TMED6: variants seen among roughly 807,000 people sequenced by gnomAD.
TMED6 encodes transmembrane emp24 domain-containing protein 6.
A neutral mutation model predicts 26.5 loss-of-function variants in TMED6; 17 were observed. That is an observed-to-expected ratio of 0.64 (90% confidence interval 0.44 to 0.96). The LOEUF is 0.96. TMED6 is among the 40% of genes least tolerant of loss of function. The probability of loss-of-function intolerance (pLI) is 0.00; values close to 1 mark genes in which losing one functional copy is unlikely to be tolerated. For missense variants in TMED6, 309 were observed against 296.5 expected, an observed-to-expected ratio of 1.04 and a Z score of -0.31; for synonymous variants, 107 against 106.2, an observed-to-expected ratio of 1.01 and a Z score of -0.04.
chr16:69,345,338 A>G (rs774531481), intron 3 of TMED6, among the ~76,000 whole-genome samples: 1 of 152,100 alleles, frequency 6.6e-6, no homozygotes, highest in Non-Finnish European at 1.5e-5. Flanking sequence ...TGCAACTCAC[A>G]TATCTTAGGA....
chr16:69,343,701 G>A (rs558154799), intron 3 of TMED6, 61 bp from the exon 4 acceptor site: 10 of 1,389,792 alleles, frequency 7.2e-6, no homozygotes, highest in South Asian at 3.5e-5. Context: ...TCACCTGAGC[G>A]CTCACTAGCA....
At chr16:69,350,026 C>G (rs1421317796) in intron 1 of TMED6, among the ~76,000 whole-genome samples, 1 of 152,058 alleles carries the variant, frequency 6.6e-6, no homozygotes, top group African/African-American at 2.4e-5. Flanking sequence ...AATCCCAGCA[C>G]TTTGGGAGGC....
chr16:69,350,596 G>A (rs561765539), intron 1 of TMED6, among the ~76,000 whole-genome samples: 11 of 152,226 alleles, frequency 7.2e-5, no homozygotes, highest in Middle Eastern at 3.4e-3. Flanking sequence ...CACCGCACCC[G>A]GCCTGGCTGT....
At chr16:69,344,695 C>G (rs958403030) in intron 3 of TMED6, among the ~76,000 whole-genome samples, 1 of 150,314 alleles carries the variant, frequency 6.7e-6, no homozygotes, top group African/African-American at 2.5e-5. Flanking sequence ...ACTGCTTGAG[C>G]CCGGGAGGCA....
In TMED6 at chr16:69,345,836, C is replaced by T. The variant is rs118184431; in HGVS notation, c.489+1952G>A. On this transcript the variant is annotated intron_variant, in intron 3 of 3. Transcript: ENST00000288025. ...GACCACAAGTATGTGCCACCACACC[C>T]GGGTCATTTAAAAAGTTGTTTTGTT... Among the ~76,000 whole-genome samples the T allele has an allele frequency of 2.0e-4, 31 of 152,094 alleles. No homozygotes were observed. The East Asian group carries it at 5.6e-3, about 27-fold the overall frequency.
intron 3 of TMED6, among the ~76,000 whole-genome samples, chr16:69,344,025 GT>G (rs1339607816): frequency 1.3e-5 from 2 of 151,550 alleles, no homozygotes; most frequent in Non-Finnish European, 2.9e-5. Context: ...TAGAGACAGG[GT>G]TTTGCCATGT....
At position 69,343,260 on chromosome 16, in the gene TMED6, TTA is replaced by T; in HGVS notation, c.*145_*146del. On this transcript the variant is annotated 3_prime_UTR_variant, in exon 4 of 4. Coordinates refer to ENST00000288025, the MANE Select transcript of TMED6 (RefSeq NM_144676.4). ...ATACTTCTTCAGAACTTTTTCACTGTTATGATTTTATTGCCATTTTGCTTTTT... is the reference window on the plus strand; with the variant it reads ...ATACTTCTTCAGAACTTTTTCACTGTTGATTTTATTGCCATTTTGCTTTTT... The T allele has an allele frequency of 1.5e-6, 1 of 679,196 alleles. No homozygotes were observed. Among genetic ancestry groups the T allele is most frequent in the South Asian group, 2.0e-5 (1 of 50,564 alleles). The allele number at this position is 679,196 out of a possible 1,614,324, so 42.1% of individuals were successfully genotyped here.
Position 69,347,950 on chromosome 16 carries a change from TAGATCATTACC to T in TMED6, c.341-25_341-15del. ...GCTGATAAAAACCTGTAGGAATTCT[TAGATCATTACC>T]AAGTCTTTGGTCTCCTCCCCTTTGT... On this transcript the variant is annotated splice_polypyrimidine_tract_variant and intron_variant, in intron 2 of 3. Coordinates refer to ENST00000288025, the MANE Select transcript of TMED6 (RefSeq NM_144676.4). The T allele has an allele frequency of 6.2e-7, 1 of 1,613,712 alleles. No homozygotes were observed. The highest frequency in any genetic ancestry group is 8.5e-7 in the Non-Finnish European group (1 of 1,179,772).
intron 1 of TMED6, among the ~76,000 whole-genome samples, chr16:69,351,033 C>G (rs866846645): frequency 6.6e-6 from 1 of 150,814 alleles, no homozygotes; most frequent in Non-Finnish European, 1.5e-5. Flanking sequence ...AAACACTTAC[C>G]GTCCTAAAAA....
intron 3 of TMED6, among the ~76,000 whole-genome samples, chr16:69,344,540 A>G (rs1277007301): frequency 2.6e-5 from 4 of 152,122 alleles, no homozygotes; most frequent in African/African-American, 9.7e-5. Flanking sequence ...TGGGAGGCCG[A>G]GACGGGCGGA....
At chr16:69,344,746 C>G (rs2012655219) in intron 3 of TMED6, among the ~76,000 whole-genome samples, 1 of 148,478 alleles carries the variant, frequency 6.7e-6, no homozygotes, top group Non-Finnish European at 1.5e-5. Context: ...GTACTCCAGC[C>G]TGGCCGACAG....
intron 2 of TMED6, 89 bp downstream of exon 2, chr16:69,349,436 G>A (rs2012740618): frequency 1.4e-6 from 2 of 1,471,680 alleles, no homozygotes; most frequent in Non-Finnish European, 1.8e-6. Context: ...TTTTCCTACT[G>A]TTAAAACATC....
chr16:69,347,704 T>C (rs2012707085), intron 3 of TMED6, 84 bp downstream of exon 3: 1 of 1,567,334 alleles, frequency 6.4e-7, no homozygotes, highest in African/African-American at 1.4e-5. Context: ...GCCTGTTTGG[T>C]TTCTACCTAA....
In TMED6 at chr16:69,347,906, T is replaced by C. The variant is rs1355468515; in HGVS notation, c.371A>G (p.His124Arg). The part of the protein sequence containing the change: ...GFYQLCLSNQ[H>R]NHFGSVQVYL... ...CACTTGCACAGAACCGAAGTGATTA[T>C]GCTGATTACTTAGACAAAGCTGATA... The change falls in exon 3 of 4, where the codon CAT becomes CGT. Residue 124 changes from histidine (H) to arginine (R), a missense_variant. Coordinates refer to ENST00000288025, the MANE Select transcript of TMED6 (RefSeq NM_144676.4). 1 of 1,614,176 alleles carries C rather than the reference T, an allele frequency of 6.2e-7. No individual in the cohort carries two copies. The highest frequency in any genetic ancestry group is 2.2e-5 in the East Asian group (1 of 44,880).
chr16:69,344,993 GCAT>G (rs2012660635), intron 3 of TMED6, among the ~76,000 whole-genome samples: 1 of 152,102 alleles, frequency 6.6e-6, no homozygotes, highest in Non-Finnish European at 1.5e-5. Context: ...GGAGACTGAA[GCAT>G]AAGAATCACT....
At chr16:69,349,211 T>C (rs546212571) in intron 2 of TMED6, among the ~76,000 whole-genome samples, 7 of 152,338 alleles carry the variant, frequency 4.6e-5, no homozygotes, top group African/African-American at 1.7e-4. Flanking sequence ...CATTTGTTAA[T>C]TGGAATTCTG....
rs374120932 is a variant in TMED6 at position 69,345,348 on chromosome 16, A to G, written c.490-1708T>C. 3.4e-4 allele frequency among the ~76,000 whole-genome samples: 51 copies of G among 152,226 alleles called. 1 individual carries two copies. In the South Asian group the frequency reaches 0.01, roughly 31 times the overall value. ...ATATCTGCAACTCACATATCTTAGG[A>G]GGGATTTGTATCCAGAATATATAAA... On this transcript the variant is annotated intron_variant, in intron 3 of 3. Transcript: ENST00000288025.
At chr16:69,346,263 T>C (rs1448691314) in intron 3 of TMED6, among the ~76,000 whole-genome samples, 2 of 152,208 alleles carry the variant, frequency 1.3e-5, no homozygotes, top group Non-Finnish European at 2.9e-5. Context: ...GATGAAAACA[T>C]GCTAACACAA....
At chr16:69,347,404 A>G (rs528638856) in intron 3 of TMED6, among the ~76,000 whole-genome samples, 4 of 152,298 alleles carry the variant, frequency 2.6e-5, no homozygotes, top group East Asian at 3.9e-4. Flanking sequence ...TGTATCCCAG[A>G]CTGGAGTGTA....
Sources: allele counts gnomAD v4.1 joint callset (sites outside exome capture counted in the v4.1 genomes callset), GRCh38; gene constraint gnomAD v4.1.1; transcripts MANE v1.5; gene names NCBI Gene and HGNC (gene_info 2026-07-23, HGNC 2026-07-21).